Variants in AKAP13 observed in about 807,000 individuals in gnomAD.
The protein encoded by AKAP13 is A-kinase anchor protein 13.
AKAP13 carries 80 observed loss-of-function variants against 264.5 expected under a neutral mutation model. That is an observed-to-expected ratio of 0.30 (90% CI 0.25 to 0.36). The LOEUF is 0.36. Ranked by LOEUF, AKAP13 falls within the 10% of genes least tolerant of loss-of-function variation. AKAP13 has a pLI of 1.00. For synonymous variants in AKAP13, 1,380 were observed against 1,250.2 expected, an observed-to-expected ratio of 1.10 and a Z score of -2.19; for missense variants, 3,712 against 3,435.2, an observed-to-expected ratio of 1.08 and a Z score of -2.01.
chr15:85,409,988 A>G (rs2071882171), intron 1 of AKAP13, among the ~76,000 whole-genome samples: 1 of 151,616 alleles, frequency 6.6e-6, no homozygotes, highest in Admixed American at 6.6e-5. Context: ...TGTTGCTTTT[A>G]TAGTAACTTT....
intron 1 of AKAP13, among the ~76,000 whole-genome samples, chr15:85,485,463 C>A (rs116176109): frequency 0.017 from 2,554 of 152,220 alleles, 88 homozygotes; most frequent in African/African-American, 0.058. Context: ...GACAGTGAAG[C>A]CTTTTGTCTT....
At position 85,723,165 on chromosome 15, in the gene AKAP13, A is replaced by C; in HGVS notation, c.6590A>C (p.Lys2197Thr). 1 of 1,614,182 alleles carries C rather than the reference A, an allele frequency of 6.2e-7. No homozygotes were observed. Among genetic ancestry groups the C allele is most frequent in the South Asian group, 1.1e-5 (1 of 91,082 alleles). Residue 2197 changes from lysine (K) to threonine (T), a missense_variant, in exon 26 of 37, where the codon AAG (lysine) becomes ACG (threonine). Physicochemically the swap from Lys to Thr is moderately conservative, Grantham distance 78. Transcript: ENST00000394518. ...GACAGCAAAGTGGCAAGTTATGAAA[A>C]GAAAGTGCGTCTCAATGAGATTTAT... ...AVDSKVASYE[K>T]KVRLNEIYTK...
At chr15:85,432,197 G>A (rs1405611376) in intron 1 of AKAP13, among the ~76,000 whole-genome samples, 1 of 151,712 alleles carries the variant, frequency 6.6e-6, no homozygotes, top group African/African-American at 2.4e-5. Context: ...TCCTAACTTA[G>A]CCTAACTCTA....
intron 20 of AKAP13, 78 bp downstream of exon 20, chr15:85,716,001 G>GTT: frequency 7.7e-7 from 1 of 1,290,810 alleles, no homozygotes; most frequent in South Asian, 1.5e-5. Flanking sequence ...ATGACAAAAA[G>GTT]CTTTTTTTTT....
intron 1 of AKAP13, among the ~76,000 whole-genome samples, chr15:85,447,787 T>G (rs2073951586): frequency 6.6e-6 from 1 of 152,238 alleles, no homozygotes; most frequent in African/African-American, 2.4e-5. Context: ...GGCATTTATG[T>G]TGATTCCTTG....
Position 85,718,355 on chromosome 15 carries a change from G to T in AKAP13, c.6001+196G>T, listed in dbSNP as rs1472536498. 6.6e-6 allele frequency among the ~76,000 whole-genome samples: 1 copy of T among 152,116 alleles called. No homozygotes were observed. The highest frequency in any genetic ancestry group is 1.5e-5 in the Non-Finnish European group (1 of 68,024). Reference sequence around the variant, plus strand: ...TTTTTGCCCCACTCTTCTGTTTTCAGTTCTACTGAACATTGTACTTATATG... The same window carrying T: ...TTTTTGCCCCACTCTTCTGTTTTCATTTCTACTGAACATTGTACTTATATG... On this transcript the variant is annotated intron_variant, in intron 22 of 36. Transcript: ENST00000394518. The surrounding 1 kb of genome is among the most constrained non-coding windows in gnomAD (Gnocchi z 4.9).
chr15:85,655,362 G>C (rs953215334), intron 10 of AKAP13, 55 bp from the exon 11 acceptor site: 85 of 1,565,698 alleles, frequency 5.4e-5, no homozygotes, highest in Admixed American at 1.0e-4. Flanking sequence ...GAATAACTGA[G>C]GCTATCTGAT....
intron 8 of AKAP13, among the ~76,000 whole-genome samples, chr15:85,626,616 T>C (rs142789629): frequency 6.0e-4 from 92 of 152,358 alleles, no homozygotes; most frequent in African/African-American, 2.1e-3. Flanking sequence ...TGTAAGTATA[T>C]ACCATATTTT....
intron 2 of AKAP13, among the ~76,000 whole-genome samples, chr15:85,498,913 A>G (rs901763748): frequency 2.0e-5 from 3 of 152,206 alleles, no homozygotes; most frequent in Non-Finnish European, 4.4e-5. Context: ...AGCCCTTCAC[A>G]TGATTCTGAT....
chr15:85,742,603 T>C (rs1003435031), intron 35 of AKAP13, among the ~76,000 whole-genome samples: 1 of 152,244 alleles, frequency 6.6e-6, no homozygotes, highest in African/African-American at 2.4e-5. Flanking sequence ...ATGAAAAACC[T>C]CTCTTTCTCT....
chr15:85,653,478 T>A (rs899938470), intron 10 of AKAP13, among the ~76,000 whole-genome samples: 3 of 152,148 alleles, frequency 2.0e-5, no homozygotes, highest in Non-Finnish European at 4.4e-5. Context: ...TCCACGGAAC[T>A]GGAAAAAGAA....
At chr15:85,740,298 G>C (rs373105101) in intron 34 of AKAP13, 26 bp downstream of exon 34, 1 of 1,612,888 alleles carries the variant, frequency 6.2e-7, no homozygotes, top group African/African-American at 1.3e-5. Flanking sequence ...TTCCATCCCT[G>C]CGTTTATTTG....
chr15:85,516,139 G>A (rs553446672), intron 2 of AKAP13, among the ~76,000 whole-genome samples: 13 of 152,268 alleles, frequency 8.5e-5, no homozygotes, highest in Middle Eastern at 6.8e-3. Context: ...GACAAAGCAG[G>A]TTTCTCAGTG....
At chr15:85,409,564 C>T (rs923187357) in intron 1 of AKAP13, among the ~76,000 whole-genome samples, 1 of 150,740 alleles carries the variant, frequency 6.6e-6, no homozygotes, top group South Asian at 2.1e-4. Context: ...CTAGAATTTT[C>T]TCCCATTCTG....
chr15:85,590,450 C>T (rs2079539050), intron 8 of AKAP13, among the ~76,000 whole-genome samples: 1 of 152,148 alleles, frequency 6.6e-6, no homozygotes, highest in South Asian at 2.1e-4. Flanking sequence ...ATTTTTCATT[C>T]CTTAACCTGT....
intron 26 of AKAP13, 57 bp from the exon 27 acceptor site, chr15:85,726,353 G>T: frequency 7.0e-7 from 1 of 1,433,752 alleles, no homozygotes; most frequent in South Asian, 1.2e-5. Context: ...TTCTGACTGT[G>T]GGTAACTATT....
At chr15:85,629,830 A>G (rs1370213917) in intron 8 of AKAP13, among the ~76,000 whole-genome samples, 1 of 112,624 alleles carries the variant, frequency 8.9e-6, no homozygotes, top group Non-Finnish European at 1.6e-5. Context: ...CCCAGGCTGG[A>G]GTGCAGCAGT....
In AKAP13 at chr15:85,578,927, TAGAAAACA is replaced by T. The variant is rs1881741107; in HGVS notation, c.862-1_868del. On this transcript the variant is annotated splice_acceptor_variant and coding_sequence_variant, in exon 7 of 37. Transcript: ENST00000394518. LOFTEE classifies it high-confidence loss of function. ...TTTAAAAGTGTATTTCATTTCCTCC[TAGAAAACA>T]AACCTCAAGCAGATGGACAGTCTTA... 2 of 1,602,594 alleles carry T rather than the reference TAGAAAACA, an allele frequency of 1.2e-6. No homozygotes were observed. Among genetic ancestry groups the T allele is most frequent in the Non-Finnish European group, 1.7e-6 (2 of 1,171,718 alleles).
At chr15:85,671,340 G>T (rs1030277459) in intron 14 of AKAP13, among the ~76,000 whole-genome samples, 4 of 150,824 alleles carry the variant, frequency 2.7e-5, no homozygotes, top group African/African-American at 9.8e-5. Flanking sequence ...AGAGGCTGAG[G>T]CAAGAGGATC....
Sources: gnomAD v4.1 joint callset for allele counts (sites outside exome capture counted in the v4.1 genomes callset) on GRCh38, gnomAD v4.1.1 for gene constraint, Gnocchi (gnomAD v3.1) non-coding constraint, MANE v1.5 for transcripts, NCBI Gene and HGNC (gene_info 2026-07-23, HGNC 2026-07-21) for gene names.